MME: variants seen among roughly 807,000 people sequenced by gnomAD.
MME encodes neprilysin.
A neutral mutation model predicts 113.2 loss-of-function variants in MME; 98 were observed. The observed-to-expected ratio is 0.87, with a 90% confidence interval of 0.74 to 1.02. The LOEUF (loss-of-function observed/expected upper bound fraction) is 1.02. MME is among the 50% of genes least tolerant of loss of function. MME has a pLI of 0.00. For missense variants in MME, 836 were observed against 896.0 expected, an observed-to-expected ratio of 0.93 and a Z score of 0.86; for synonymous variants, 292 against 300.6, an observed-to-expected ratio of 0.97 and a Z score of 0.30.
chr3:155,079,192 G>C (rs2108152016), upstream of MME, among the ~76,000 whole-genome samples: 1 of 152,086 alleles, frequency 6.6e-6, no homozygotes, highest in East Asian at 1.9e-4. Context: ...AACGGGGAGG[G>C]AGAGTAAGAA....
intron 1 of MME, among the ~76,000 whole-genome samples, chr3:155,067,566 C>T (rs1257621725): frequency 6.6e-6 from 1 of 152,020 alleles, no homozygotes; most frequent in East Asian, 1.9e-4. Context: ...ACCTCGGCCT[C>T]CCAAAGTGCT....
intron 4 of MME, among the ~76,000 whole-genome samples, chr3:155,115,909 A>T (rs890549951): frequency 1.3e-5 from 2 of 152,148 alleles, no homozygotes; most frequent in African/African-American, 4.8e-5. Flanking sequence ...GAAGTTAAGA[A>T]ATCTAGCCAA....
chr3:155,152,253 CAT>C (rs1721987804), intron 16 of MME, among the ~76,000 whole-genome samples: 1 of 152,186 alleles, frequency 6.6e-6, no homozygotes, highest in African/African-American at 2.4e-5. Context: ...GAAACCTACA[CAT>C]GATTTGATTA....
intron 18 of MME, 76 bp downstream of exon 18, chr3:155,167,097 A>G (rs1723158659): frequency 6.6e-7 from 1 of 1,516,654 alleles, no homozygotes; most frequent in Admixed American, 1.7e-5. Context: ...ATAATTTATT[A>G]CTACAAAGCT....
chr3:155,128,462 AGAATAACAAGT>A (rs1719865552), intron 8 of MME, among the ~76,000 whole-genome samples: 1 of 152,194 alleles, frequency 6.6e-6, no homozygotes, highest in African/African-American at 2.4e-5. Flanking sequence ...TGCGAAGTGT[AGAATAACAAGT>A]TTACCTTCAG....
chr3:155,142,382 G>A lies in MME; in HGVS notation c.1188+52G>A, dbSNP rs757728281. ...AGACTTAAAGCATAAAGTGATACATGGTTATGAAGGCTTACCATGTACACT... is the reference window on the plus strand; with the variant it reads ...AGACTTAAAGCATAAAGTGATACATAGTTATGAAGGCTTACCATGTACACT... On this transcript the variant is annotated intron_variant, in intron 12 of 22. Coordinates refer to ENST00000360490, the MANE Select transcript of MME (RefSeq NM_007289.4). 18 of 1,432,288 alleles carry A rather than the reference G, an allele frequency of 1.3e-5. No individual in the cohort carries two copies. In the East Asian group the frequency reaches 4.1e-4, roughly 33 times the overall value. 88.7% of individuals were successfully genotyped at this position (1,432,288 alleles called of 1,614,324 possible).
intron 14 of MME, among the ~76,000 whole-genome samples, chr3:155,145,550 CT>C (rs765819685): frequency 6.6e-6 from 1 of 152,032 alleles, no homozygotes; most frequent in Non-Finnish European, 1.5e-5. Context: ...ATCCTCAGCC[CT>C]TTATAACATA....
intron 3 of MME, among the ~76,000 whole-genome samples, chr3:155,108,591 C>T (rs1299994033): frequency 6.9e-6 from 1 of 144,928 alleles, no homozygotes; most frequent in Non-Finnish European, 1.5e-5. Context: ...AGTGAGACTT[C>T]ATCTCAAAAA....
At position 155,177,403 on chromosome 3, in the gene MME, C is replaced by A. The variant is rs73012374; in HGVS notation, c.2154-2957C>A. On this transcript the variant is annotated intron_variant, in intron 22 of 22. Transcript: ENST00000360490. ...GTTGCATTAATGAATCAAAGCTCCTCTCTAACATAAAGAATCCTTGAGTCC... is the reference window on the plus strand; with the variant it reads ...GTTGCATTAATGAATCAAAGCTCCTATCTAACATAAAGAATCCTTGAGTCC... 1.0e-3 allele frequency among the ~76,000 whole-genome samples: 157 copies of A among 152,292 alleles called. 1 individual carries two copies. The highest frequency in any genetic ancestry group is 3.7e-3 in the African/African-American group (154 of 41,570).
chr3:155,133,694 C>A (rs1559939991), intron 8 of MME, among the ~76,000 whole-genome samples: 1 of 128,850 alleles, frequency 7.8e-6, no homozygotes, highest in South Asian at 2.4e-4. Flanking sequence ...ATATACCATA[C>A]ATATATAGTG....
chr3:155,160,464 A>C lies in MME; in HGVS notation c.1660+16A>C. 6.5e-7 allele frequency: 1 copy of C among 1,529,398 alleles called. No homozygotes were observed. Among genetic ancestry groups the C allele is most frequent in the East Asian group, 2.3e-5 (1 of 44,362 alleles). The allele number at this position is 1,529,398 out of a possible 1,614,324, so 94.7% of individuals were successfully genotyped here. ...AATCAGATAGGTAAGGTGTATTCTT[A>C]AATAATTATTTAATATTTCTCTATC... is the stretch of plus-strand genomic sequence containing the variant. On this transcript the variant is annotated intron_variant, in intron 17 of 22. Transcript: ENST00000360490.
At chr3:155,093,627 G>T (rs559729739) in intron 3 of MME, among the ~76,000 whole-genome samples, 5 of 152,246 alleles carry the variant, frequency 3.3e-5, no homozygotes, top group African/African-American at 1.2e-4. Flanking sequence ...GGAGGCCGAG[G>T]CAGGTGGCTC....
At chr3:155,083,856 C>A (rs1715400085) in intron 1 of MME, 5 of 343,248 alleles carry the variant, frequency 1.5e-5, no homozygotes, top group South Asian at 1.3e-4. Context: ...CTGAATTAAT[C>A]CTACTTGAGT....
chr3:155,124,423 A>G (rs1474577546), intron 8 of MME, among the ~76,000 whole-genome samples: 3 of 151,746 alleles, frequency 2.0e-5, no homozygotes, highest in Non-Finnish European at 4.4e-5. Flanking sequence ...TCAGCTCGTC[A>G]AAGTCATTCT....
intron 1 of MME, among the ~76,000 whole-genome samples, chr3:155,061,450 C>CA (rs768689390): frequency 0.026 from 1,328 of 51,616 alleles, 24 homozygotes; most frequent in African/African-American, 0.059. Context: ...GGCTCCATCT[C>CA]AAAAAAAAAA....
chr3:155,059,124 G>T (rs1282237244), intron 1 of MME, among the ~76,000 whole-genome samples: 1 of 151,780 alleles, frequency 6.6e-6, no homozygotes, highest in Non-Finnish European at 1.5e-5. Context: ...GCATGCTGGT[G>T]TACGCCTGTA....
intron 1 of MME, 30 bp from the exon 2 acceptor site, chr3:155,084,128 T>A: frequency 1.3e-6 from 2 of 1,552,852 alleles, no homozygotes; most frequent in Non-Finnish European, 1.8e-6. Flanking sequence ...TTTATTTGTT[T>A]TTCATTATTA....
At chr3:155,039,176 C>T (rs1243139962) in intron 1 of MME, among the ~76,000 whole-genome samples, 1 of 152,074 alleles carries the variant, frequency 6.6e-6, no homozygotes, top group African/African-American at 2.4e-5. Context: ...ATAGCCCATT[C>T]GTAATGGTGG....
intron 1 of MME, among the ~76,000 whole-genome samples, chr3:155,068,915 G>C (rs1714468553): frequency 6.6e-6 from 1 of 152,184 alleles, no homozygotes; most frequent in Non-Finnish European, 1.5e-5. Flanking sequence ...TAGGGAAAAA[G>C]ATTCAAGAGA....
Sources: allele counts gnomAD v4.1 joint callset (sites outside exome capture counted in the v4.1 genomes callset), GRCh38; gene constraint gnomAD v4.1.1; transcripts MANE v1.5; gene names NCBI Gene and HGNC (gene_info 2026-07-23, HGNC 2026-07-21).